Variants in WDR17 observed in about 807,000 individuals in gnomAD.
WDR17 encodes WD repeat-containing protein 17.
Under a neutral mutation model 161.7 loss-of-function variants are expected in WDR17, and 143 were observed. The ratio of observed to expected loss-of-function variants is 0.88; its 90% CI spans 0.77 to 1.02. WDR17 has a LOEUF of 1.02. Ranked by LOEUF, WDR17 falls within the 50% of genes least tolerant of loss-of-function variation. The pLI is 0.00. For missense variants in WDR17, 1,469 were observed against 1,520.9 expected, an observed-to-expected ratio of 0.97 and a Z score of 0.57; for synonymous variants, 517 against 515.6, an observed-to-expected ratio of 1.00 and a Z score of -0.04.
chr4:176,103,036 C>A (rs1274209535), intron 1 of WDR17, among the ~76,000 whole-genome samples: 1 of 152,144 alleles, frequency 6.6e-6, no homozygotes, highest in Non-Finnish European at 1.5e-5. Context: ...ATTGTTATTG[C>A]ACCTACCTCC....
intron 1 of WDR17, among the ~76,000 whole-genome samples, chr4:176,073,203 A>G (rs1309011739): frequency 6.6e-6 from 1 of 152,124 alleles, no homozygotes; most frequent in East Asian, 1.9e-4. Context: ...TGCTGCACCC[A>G]TTAACTTGTC....
At chr4:176,120,381 CTTA>C (rs1390523282) in intron 4 of WDR17, among the ~76,000 whole-genome samples, 2 of 149,248 alleles carry the variant, frequency 1.3e-5, no homozygotes, top group Admixed American at 6.7e-5. Context: ...TCATTTTTCC[CTTA>C]TTTGTATTTT....
At chr4:176,103,829 GA>G (rs1738232160) in intron 1 of WDR17, among the ~76,000 whole-genome samples, 1 of 151,844 alleles carries the variant, frequency 6.6e-6, no homozygotes, top group Non-Finnish European at 1.5e-5. Context: ...AGAAGAGAGA[GA>G]GATGGAAGAG....
chr4:176,119,798 G>A (rs913885544), intron 3 of WDR17, 69 bp from the exon 4 acceptor site: 8 of 1,320,346 alleles, frequency 6.1e-6, no homozygotes, highest in African/African-American at 5.9e-5. Context: ...TGTAAACAGG[G>A]CAAGTAATAT....
intron 13 of WDR17, 139 bp downstream of exon 13, chr4:176,148,474 A>T: frequency 1.3e-6 from 1 of 758,114 alleles, no homozygotes; most frequent in Non-Finnish European, 2.1e-6. Context: ...TAGAAAATAT[A>T]CACGTTTATT....
intron 1 of WDR17, among the ~76,000 whole-genome samples, chr4:176,109,846 A>G (rs971248147): frequency 4.6e-5 from 7 of 152,178 alleles, no homozygotes; most frequent in African/African-American, 7.2e-5. Flanking sequence ...GATATTTTAC[A>G]TGTTGTGGTT....
chr4:176,110,543 A>G (rs150964343), intron 1 of WDR17, among the ~76,000 whole-genome samples: 21 of 152,306 alleles, frequency 1.4e-4, no homozygotes, highest in Non-Finnish European at 4.4e-5. Context: ...GTCATTTATT[A>G]GATAACCACA....
intron 13 of WDR17, among the ~76,000 whole-genome samples, chr4:176,149,461 T>C (rs1414565056): frequency 6.6e-6 from 1 of 151,852 alleles, no homozygotes; most frequent in Non-Finnish European, 1.5e-5. Context: ...GTAGAGATGG[T>C]ATTTCATCAT....
At chr4:176,068,458 G>A (rs1322253136) in intron 1 of WDR17, 1 of 152,032 alleles carries the variant, frequency 6.6e-6, no homozygotes, top group African/African-American at 2.4e-5. Flanking sequence ...AAATTAGCTG[G>A]GCGTGGTGGT....
chr4:176,096,601 T>C, intron 1 of WDR17: 3 of 1,562,676 alleles, frequency 1.9e-6, no homozygotes, highest in Non-Finnish European at 1.7e-6. Context: ...ATACATTTAC[T>C]TGTAATTACG....
chr4:176,078,403 C>T (rs1029321922), intron 1 of WDR17, among the ~76,000 whole-genome samples: 3 of 151,998 alleles, frequency 2.0e-5, no homozygotes, highest in Admixed American at 6.6e-5. Context: ...TCATCAAATA[C>T]AAATGTAATG....
chr4:176,176,065 T>G (rs1751414637), intron 26 of WDR17, among the ~76,000 whole-genome samples: 1 of 152,128 alleles, frequency 6.6e-6, no homozygotes, highest in Non-Finnish European at 1.5e-5. Context: ...AAAGCAACAT[T>G]TAACAGTATT....
intron 17 of WDR17, among the ~76,000 whole-genome samples, chr4:176,152,402 C>T (rs1195903953): frequency 2.0e-5 from 3 of 150,946 alleles, no homozygotes; most frequent in Admixed American, 2.0e-4. Flanking sequence ...TAAGATCATC[C>T]TGGCCAACAT....
Position 176,115,915 on chromosome 4 carries a change from T to C in WDR17, c.243T>C (p.Asp81=), listed in dbSNP as rs1740546541. The change falls in exon 3 of 29, where the codon GAT becomes GAC. Residue 81 remains aspartate, a synonymous_variant. Coordinates refer to ENST00000508596, the MANE Select transcript of WDR17 (RefSeq NM_181265.4). ...NPDLFASGST[D]NLVIIWNVAE... is the part of the protein sequence containing the mutation. Reference sequence around the variant, plus strand: ...ATCTGTTTGCAAGTGGCAGTACTGATAATTTAGTGATCATTTGGAATGTTG... The same window carrying C: ...ATCTGTTTGCAAGTGGCAGTACTGACAATTTAGTGATCATTTGGAATGTTG... 3.7e-6 allele frequency: 6 copies of C among 1,610,990 alleles called. No individual in the cohort carries two copies. Among genetic ancestry groups the C allele is most frequent in the Non-Finnish European group, 5.1e-6 (6 of 1,178,376 alleles).
At chr4:176,133,154 C>T (rs35295497) in intron 7 of WDR17, among the ~76,000 whole-genome samples, 2 of 142,262 alleles carry the variant, frequency 1.4e-5, no homozygotes, top group African/African-American at 2.6e-5. Flanking sequence ...ATATACCATT[C>T]GAAGAAAAAA....
chr4:176,137,667 ATTTTGT>A, intron 9 of WDR17, 56 bp downstream of exon 9: 1 of 1,076,436 alleles, frequency 9.3e-7, no homozygotes, highest in Non-Finnish European at 1.3e-6. Context: ...TTTTGTATTT[ATTTTGT>A]AAATATTTTT....
intron 11 of WDR17, among the ~76,000 whole-genome samples, chr4:176,144,479 T>C (rs1047118249): frequency 4.6e-5 from 7 of 152,204 alleles, no homozygotes; most frequent in African/African-American, 1.7e-4. Context: ...ATGAATAGAA[T>C]TACCTTGTAT....
At chr4:176,108,196 G>A (rs1279015122) in intron 1 of WDR17, among the ~76,000 whole-genome samples, 1 of 151,934 alleles carries the variant, frequency 6.6e-6, no homozygotes, top group Non-Finnish European at 1.5e-5. Context: ...TAAGAAGTTA[G>A]ATTTTATGTT....
At position 176,174,696 on chromosome 4, in the gene WDR17, C is replaced by T. The variant is rs777706472; in HGVS notation, c.3427C>T (p.Pro1143Ser). 2.5e-6 allele frequency: 4 copies of T among 1,610,060 alleles called. No homozygotes were observed. The South Asian group carries it at 4.4e-5, about 18-fold the overall frequency. ...AIRRQYQSIV[P>S]ALYEYTSQLL... is the part of the protein sequence containing the mutation. ...CAGAAGACAGTACCAAAGCATTGTT[C>T]CAGCACTTTATGAGTACACAAGGTA... Residue 1143 changes from proline (P) to serine (S), a missense_variant, in exon 26 of 29, where the codon CCA (proline) becomes TCA (serine). By Grantham distance (74) the Pro-to-Ser change is moderately conservative. Transcript: ENST00000508596.
Sources: allele counts gnomAD v4.1 joint callset (sites outside exome capture counted in the v4.1 genomes callset), GRCh38; gene constraint gnomAD v4.1.1; transcripts MANE v1.5; gene names NCBI Gene and HGNC (gene_info 2026-07-23, HGNC 2026-07-21).